PAPOLA: variants seen among roughly 807,000 people sequenced by gnomAD.
The protein encoded by PAPOLA is poly(A) polymerase alpha.
In PAPOLA, 15 loss-of-function variants were observed where a neutral mutation model predicts 100.6. That is an observed-to-expected ratio of 0.15 (90% CI 0.10 to 0.23). The LOEUF (loss-of-function observed/expected upper bound fraction) is 0.23. Ranked by LOEUF, PAPOLA falls within the 10% of genes least tolerant of loss-of-function variation. PAPOLA has a pLI of 1.00. For synonymous variants in PAPOLA, 293 were observed against 300.0 expected (o/e 0.98, Z 0.24); for missense variants, 533 against 884.2 (o/e 0.60, Z 5.04).
At chr14:96,527,658 A>G (rs7146883) in intron 5 of PAPOLA, 119 bp downstream of exon 5, 145,975 of 647,058 alleles carry the variant, frequency 0.23, 17,557 homozygotes, top group African/African-American at 0.39. Flanking sequence ...ACCTTTCTAA[A>G]CACTTGGCAT....
intron 9 of PAPOLA, 129 bp downstream of exon 9, chr14:96,532,778 T>C (rs1899147360): frequency 1.4e-6 from 2 of 1,400,160 alleles, no homozygotes; most frequent in African/African-American, 1.5e-5. Flanking sequence ...TAGGCAGCCT[T>C]GGAGATCACA....
chr14:96,534,734 G>C lies in PAPOLA; in HGVS notation c.909+171G>C, dbSNP rs938577742. The C allele has an allele frequency of 1.5e-5, 22 of 1,430,314 alleles. No individual in the cohort carries two copies. In the East Asian group the frequency reaches 4.5e-4, roughly 29 times the overall value. 88.6% of individuals were successfully genotyped at this position (1,430,314 alleles called of 1,614,324 possible). ...AATTGTCCTCAACTATAATTGATGT[G>C]AGAAGCATAATTATGTACCCTGTAA... On this transcript the variant is annotated intron_variant, in intron 10 of 21. Transcript: ENST00000216277.
At position 96,506,880 on chromosome 14, in the gene PAPOLA, C is replaced by A. The variant is rs372906097; in HGVS notation, c.8+4280C>A. On this transcript the variant is annotated intron_variant, in intron 1 of 21. Transcript: ENST00000216277. Reference sequence around the variant, plus strand: ...GGCTTATTAATAGGGTTTTAACTTTCATATTGTAACTAATCTTTGCAAAAC... The same window carrying A: ...GGCTTATTAATAGGGTTTTAACTTTAATATTGTAACTAATCTTTGCAAAAC... 2.0e-5 allele frequency among the ~76,000 whole-genome samples: 3 copies of A among 152,172 alleles called. No homozygotes were observed. The South Asian group carries it at 6.2e-4, about 32-fold the overall frequency.
At chr14:96,533,408 A>G in intron 9 of PAPOLA, 6 of 982,194 alleles carry the variant, frequency 6.1e-6, no homozygotes, top group Non-Finnish European at 7.3e-6. Context: ...ATTTGAGACA[A>G]TTTAGAGCTG....
At chr14:96,546,638 A>G (rs1326526536) in intron 15 of PAPOLA, among the ~76,000 whole-genome samples, 1 of 152,166 alleles carries the variant, frequency 6.6e-6, no homozygotes, top group Non-Finnish European at 1.5e-5. Context: ...GAAAGACAGT[A>G]TCATTTCTGC....
intron 19 of PAPOLA, among the ~76,000 whole-genome samples, chr14:96,558,430 T>G (rs1363699171): frequency 6.6e-6 from 1 of 152,194 alleles, no homozygotes; most frequent in Non-Finnish European, 1.5e-5. Flanking sequence ...TTGGTTTTCT[T>G]TATGTTAAAA....
intron 19 of PAPOLA, among the ~76,000 whole-genome samples, chr14:96,557,549 A>G (rs1441558824): frequency 6.7e-6 from 1 of 150,114 alleles, no homozygotes; most frequent in African/African-American, 2.5e-5. Context: ...ATGACAGTCT[A>G]AAAGCACCAA....
chr14:96,556,559 T>C, intron 19 of PAPOLA, 146 bp downstream of exon 19: 1 of 671,756 alleles, frequency 1.5e-6, no homozygotes, highest in Admixed American at 2.3e-5. Flanking sequence ...TGTAGTGCTT[T>C]AGTGCTGTAG....
intron 14 of PAPOLA, 40 bp from the exon 15 acceptor site, chr14:96,544,109 A>AT: frequency 9.3e-7 from 1 of 1,072,548 alleles, no homozygotes; most frequent in South Asian, 1.3e-5. Context: ...CTACATTTTC[A>AT]TGAAATCCAG....
chr14:96,553,511 TAAAA>T (rs758321681), intron 17 of PAPOLA: 3 of 130,316 alleles, frequency 2.3e-5, no homozygotes, highest in Non-Finnish European at 3.3e-5. Flanking sequence ...GACCCTGTCT[TAAAA>T]AAAAAAAAAA....
intron 17 of PAPOLA, among the ~76,000 whole-genome samples, chr14:96,555,030 G>A (rs571677000): frequency 3.7e-4 from 56 of 152,072 alleles, no homozygotes; most frequent in South Asian, 1.5e-3. Context: ...GAGAAACTTC[G>A]GGGGAGTAAA....
At chr14:96,560,755 C>A in intron 20 of PAPOLA, 44 bp downstream of exon 20, 2 of 1,151,076 alleles carry the variant, frequency 1.7e-6, no homozygotes, top group Non-Finnish European at 2.6e-6. Flanking sequence ...ATTAAGAGTA[C>A]AGAAGATGTA....
chr14:96,528,323 CATA>C (rs536722249), intron 6 of PAPOLA, among the ~76,000 whole-genome samples: 2 of 152,262 alleles, frequency 1.3e-5, no homozygotes, highest in African/African-American at 4.8e-5. Context: ...AAGGCAGTAG[CATA>C]ATGTGTTTTT....
rs564660899 is a variant in PAPOLA at position 96,508,963 on chromosome 14, C to T, written c.8+6363C>T. Reference sequence around the variant, plus strand: ...TAAATCAGCTCTGGATTCTGTGTTGCATTGTCATTCCAGTACACTATACCA... The same window carrying T: ...TAAATCAGCTCTGGATTCTGTGTTGTATTGTCATTCCAGTACACTATACCA... On this transcript the variant is annotated intron_variant, in intron 1 of 21. Transcript: ENST00000216277. Among the ~76,000 whole-genome samples, 6 of 152,302 alleles carry T rather than the reference C, an allele frequency of 3.9e-5. No individual in the cohort carries two copies. The East Asian group carries it at 1.2e-3, about 29-fold the overall frequency.
chr14:96,562,895 T>C lies in PAPOLA; in HGVS notation c.2142+2T>C. ...GCGGCTTCTCTGTTGGCCTCTCAGG[T>C]ACTAAGTGCAAAAAGCAAGGAGAAT... is the stretch of plus-strand genomic sequence containing the variant. On this transcript the variant is annotated splice_donor_variant, in intron 21 of 21. Transcript: ENST00000216277. LOFTEE classifies it high-confidence loss of function. 6.3e-7 allele frequency: 1 copy of C among 1,597,002 alleles called. No homozygotes were observed. The highest frequency in any genetic ancestry group is 8.6e-7 in the Non-Finnish European group (1 of 1,165,488).
intron 15 of PAPOLA, among the ~76,000 whole-genome samples, chr14:96,546,891 A>G (rs1310192634): frequency 6.6e-6 from 1 of 151,928 alleles, no homozygotes; most frequent in African/African-American, 2.4e-5. Flanking sequence ...TGCTTAGGGC[A>G]TTTTGTTCTT....
chr14:96,534,797 T>C, intron 10 of PAPOLA: 1 of 1,274,792 alleles, frequency 7.8e-7, no homozygotes, highest in Non-Finnish European at 9.9e-7. Context: ...ATACAGATTT[T>C]ACTAACATTT....
At chr14:96,514,340 AT>A (rs907226774) in intron 1 of PAPOLA, among the ~76,000 whole-genome samples, 229 of 145,366 alleles carry the variant, frequency 1.6e-3, no homozygotes, top group Non-Finnish European at 1.8e-3. Flanking sequence ...CGCCCGGCTA[AT>A]TTTTTTTTTT....
rs1900055615 is a variant in PAPOLA, at chr14:96,542,288, C to G, written c.1161C>G (p.Arg387=). Residue 387 remains arginine (R), a synonymous_variant, in exon 13 of 22, where the codon CGC becomes CGG. Coordinates refer to ENST00000216277, the MANE Select transcript of PAPOLA (RefSeq NM_032632.5). The stretch of plus-strand genomic sequence containing the variant: ...CAAGTGCACCAACAGAAAAACAACG[C>G]CTGGAATGGTGAGTATAAGAATAGA... ...LLASAPTEKQ[R]LEWVGLVESK... 6.3e-7 allele frequency: 1 copy of G among 1,593,806 alleles called. No homozygotes were observed.
Sources: allele counts gnomAD v4.1 joint callset (sites outside exome capture counted in the v4.1 genomes callset), GRCh38; gene constraint gnomAD v4.1.1; transcripts MANE v1.5; gene names NCBI Gene and HGNC (gene_info 2026-07-23, HGNC 2026-07-21).